The following KDM5C variants were observed in gnomAD, a reference collection of about 807,000 sequenced individuals.
KDM5C encodes the protein lysine demethylase 5C, also known as lysine-specific demethylase 5C.
In KDM5C, 16 loss-of-function variants were observed where a neutral mutation model predicts 110.6. That is an observed-to-expected ratio of 0.14 (90% CI 0.10 to 0.22). The LOEUF is 0.22. KDM5C is among the 10% of genes least tolerant of loss of function. The pLI is 1.00. For missense variants in KDM5C, 681 were observed against 1,300.9 expected, an observed-to-expected ratio of 0.52 and a Z score of 7.33; for synonymous variants, 511 against 520.4, an observed-to-expected ratio of 0.98 and a Z score of 0.24.
intron 14 of KDM5C, among the ~76,000 whole-genome samples, chrX:53,199,389 T>G (rs1602177915): frequency 9.0e-6 from 1 of 111,067 alleles, no homozygotes; most frequent in Non-Finnish European, 1.9e-5. Context: ...GATAATTTTA[T>G]AGAGGAAGAA....
Position 53,194,216 on chromosome X carries a change from G to C in KDM5C, c.3961C>G (p.Pro1321Ala), listed in dbSNP as rs781820680. The change falls in exon 23 of 26, where the codon CCT becomes GCT. Residue 1321 changes from proline to alanine, a missense_variant. Transcript: ENST00000375401. ...LRQRLQAEPR[P>A]EEPPNYPAAP... is the part of the protein sequence containing the mutation. The stretch of plus-strand genomic sequence containing the variant: ...GCAGGGTAGTTAGGAGGCTCCTCAG[G>C]TCTAGGTTCAGCCTGTAGCCGTTGG... The C allele has an allele frequency of 1.7e-6, 2 of 1,211,646 alleles. No individual in the cohort carries two copies. The highest frequency in any genetic ancestry group is 3.0e-5 in the East Asian group (1 of 33,817).
rs1602230380 is a variant in KDM5C, at chrX:53,217,874, A to G, written c.444T>C (p.Asn148=). ...AQRLNYPPGK[N]IGSLLRSHYE... is the part of the protein sequence containing the mutation. The stretch of plus-strand genomic sequence containing the variant: ...AGTGGGAGCGTAGCAAGGAGCCAAT[A>G]TTTTTGCCTGGTGGATAGTTGAGGC... The change falls in exon 4 of 26, where the codon AAT becomes AAC. Residue 148 remains asparagine, a synonymous_variant. Coordinates refer to ENST00000375401, the MANE Select transcript of KDM5C (RefSeq NM_004187.5). 8.3e-7 allele frequency: 1 copy of G among 1,211,213 alleles called. No individual in the cohort carries two copies. The highest frequency in any genetic ancestry group is 1.1e-6 in the Non-Finnish European group (1 of 895,182).
intron 8 of KDM5C, 159 bp downstream of exon 8, chrX:53,214,530 A>G: frequency 1.8e-6 from 1 of 555,192 alleles, no homozygotes; most frequent in Non-Finnish European, 2.9e-6. Context: ...CAAAGGCTGA[A>G]TCTCCTGCTC....
At chrX:53,205,873 T>C (rs937498490) in intron 12 of KDM5C, among the ~76,000 whole-genome samples, 23 of 111,773 alleles carry the variant, frequency 2.1e-4, no homozygotes, top group African/African-American at 7.5e-4. Flanking sequence ...ATTAATTAAT[T>C]AGAAGGGGTC....
chrX:53,181,771 T>A (rs1056186645), intron 25 of KDM5C, among the ~76,000 whole-genome samples: 7 of 107,187 alleles, frequency 6.5e-5, no homozygotes, highest in Middle Eastern at 4.9e-3. Context: ...GAAAAAGAAG[T>A]GTAATTTTTG....
chrX:53,222,267 G>A (rs2073918001), intron 1 of KDM5C, among the ~76,000 whole-genome samples: 1 of 108,369 alleles, frequency 9.2e-6, no homozygotes, highest in Admixed American at 9.9e-5. Flanking sequence ...AAATGGGCTA[G>A]AGGACTCATA....
chrX:53,194,108 C>A, intron 23 of KDM5C, 31 bp downstream of exon 23: 1 of 1,183,454 alleles, frequency 8.4e-7, no homozygotes, highest in Non-Finnish European at 1.1e-6. Flanking sequence ...AGACAAGAAT[C>A]TGAGGACAAG....
chrX:53,208,964 C>A lies in KDM5C; in HGVS notation c.1746+1450G>T, dbSNP rs186925479. 4.1e-3 allele frequency among the ~76,000 whole-genome samples: 440 copies of A among 107,561 alleles called. 3 individuals carry two copies. The highest frequency in any genetic ancestry group is 0.014 in the African/African-American group (412 of 29,465). 93.4% of individuals were successfully genotyped at this position (107,561 alleles called of 115,157 possible). On this transcript the variant is annotated intron_variant, in intron 12 of 25. Coordinates refer to ENST00000375401, the MANE Select transcript of KDM5C (RefSeq NM_004187.5). ...CTGAGTAGCTGGGATTACAGGCGTG[C>A]GCCACCATACCTGGCTAATTTTTGT...
intron 12 of KDM5C, 109 bp from the exon 13 acceptor site, chrX:53,202,082 G>C: frequency 1.0e-6 from 1 of 964,022 alleles, no homozygotes; most frequent in Non-Finnish European, 1.5e-6. Flanking sequence ...AGGGAACACA[G>C]TCTGACAACA....
chrX:53,189,468 G>T (rs180870928), downstream of KDM5C, among the ~76,000 whole-genome samples: 32 of 112,490 alleles, frequency 2.8e-4, no homozygotes, highest in Admixed American at 1.9e-3. Context: ...GGTTCACAAG[G>T]GGCTGTTCCC....
intron 19 of KDM5C, 108 bp from the exon 20 acceptor site, chrX:53,196,162 C>A: frequency 1.1e-6 from 1 of 923,370 alleles, no homozygotes; most frequent in South Asian, 2.1e-5. Context: ...GTCTGTTATT[C>A]CTGCTGTCAC....
rs1284574780 is a variant in KDM5C, at chrX:53,214,711, C to T, written c.1100G>A (p.Arg367Gln). 4.1e-6 allele frequency: 5 copies of T among 1,208,224 alleles called. No homozygotes were observed. The highest frequency in any genetic ancestry group is 3.0e-5 in the East Asian group (1 of 33,748). The change falls in exon 8 of 26, where the codon CGG becomes CAG. Residue 367 changes from arginine to glutamine, a missense_variant. Transcript: ENST00000375401. ...TACCGCCATGACACACTTTGGGCAC[C>T]GCCAGACACCCTTGGGGATCTCAGG... The part of the protein sequence containing the change: ...PLPEIPKGVW[R>Q]CPKCVMAECK...
chrX:53,179,744 C>G (rs1435200089), intron 25 of KDM5C, among the ~76,000 whole-genome samples: 2 of 111,935 alleles, frequency 1.8e-5, no homozygotes, highest in Non-Finnish European at 3.8e-5. Context: ...CCACCACATA[C>G]CTATTAGTAT....
At chrX:53,210,638 A>G in intron 11 of KDM5C, 38 bp downstream of exon 11, 2 of 1,209,598 alleles carry the variant, frequency 1.7e-6, no homozygotes, top group Non-Finnish European at 1.1e-6. Flanking sequence ...GGGAGCCCAC[A>G]CTGACTTGAT....
intron 14 of KDM5C, chrX:53,201,220 T>C: frequency 3.5e-6 from 1 of 282,050 alleles, no homozygotes; most frequent in Non-Finnish European, 6.4e-6. Flanking sequence ...TCTATTTTGC[T>C]AGGTCATGTA....
Position 53,214,701 on chromosome X carries a change from C to T in KDM5C, c.1110G>A (p.Lys370=). The change falls in exon 8 of 26, where the codon AAG becomes AAA. Residue 370 remains lysine, a synonymous_variant. Coordinates refer to ENST00000375401, the MANE Select transcript of KDM5C (RefSeq NM_004187.5). ...EIPKGVWRCP[K]CVMAECKRPP... is the part of the protein sequence containing the mutation. ...GGGGAGGCCTTACCGCCATGACACACTTTGGGCACCGCCAGACACCCTTGG... is the reference window on the plus strand; with the variant it reads ...GGGGAGGCCTTACCGCCATGACACATTTTGGGCACCGCCAGACACCCTTGG... 8.3e-7 allele frequency: 1 copy of T among 1,209,291 alleles called. No homozygotes were observed. The highest frequency in any genetic ancestry group is 1.1e-6 in the Non-Finnish European group (1 of 894,244).
rs67574134 is a variant in KDM5C at position 53,208,499 on chromosome X, C to CTT, written c.1746+1913_1746+1914dup. On this transcript the variant is annotated intron_variant, in intron 12 of 25. Transcript: ENST00000375401. ...AGCTACCCAAATCCTTCAGAGAATC[C>CTT]TTTTTTTTTTTTTTTTTTTTTTGAA... Among the ~76,000 whole-genome samples, 17 of 48,283 alleles carry CTT rather than the reference C, an allele frequency of 3.5e-4. 1 individual carries two copies. Among genetic ancestry groups the CTT allele is most frequent in the African/African-American group, 5.0e-4 (7 of 13,901 alleles). The allele number at this position is 48,283 out of a possible 115,157, so 41.9% of individuals were successfully genotyped here.
In KDM5C at chrX:53,216,172, T is replaced by C. The variant is rs1556851771; in HGVS notation, c.683A>G (p.Glu228Gly). The part of the protein sequence containing the change: ...PDPEPTEEDI[E>G]KNPELKKLQI... Reference sequence around the variant, plus strand: ...TAGCTTTTTCAGCTCTGGATTCTTCTCAATGTCTTCCTCTGTGGGTTCCGG... The same window carrying C: ...TAGCTTTTTCAGCTCTGGATTCTTCCCAATGTCTTCCTCTGTGGGTTCCGG... The change falls in exon 6 of 26, where the codon GAG (glutamate) becomes GGG (glycine). Residue 228 changes from glutamate to glycine, a missense_variant. Glu to Gly is a moderately conservative substitution (Grantham distance 98, BLOSUM62 -2). This residue lies in a region of KDM5C where 55 missense variants were observed against 118.0 expected (regional missense o/e 0.47). Coordinates refer to ENST00000375401, the MANE Select transcript of KDM5C (RefSeq NM_004187.5). 8.2e-7 allele frequency: 1 copy of C among 1,212,137 alleles called. No individual in the cohort carries two copies. Among genetic ancestry groups the C allele is most frequent in the African/African-American group, 1.7e-5 (1 of 57,994 alleles).
rs2073041458 is a variant in KDM5C at position 53,198,564 on chromosome X, T to C, written c.2442A>G (p.Gln814=). 1 of 1,211,394 alleles carries C rather than the reference T, an allele frequency of 8.3e-7. No homozygotes were observed. The highest frequency in any genetic ancestry group is 1.1e-6 in the Non-Finnish European group (1 of 895,059). Residue 814 remains glutamine (Q), a synonymous_variant, in exon 17 of 26, where the codon CAA becomes CAG. Coordinates refer to ENST00000375401, the MANE Select transcript of KDM5C (RefSeq NM_004187.5). ...RRFPNSELLQ[Q]LKNCLSEAEA... is the part of the protein sequence containing the mutation. The stretch of plus-strand genomic sequence containing the variant: ...CTGCCTCACTCAGGCAGTTCTTTAG[T>C]TGCTGCAGCAGCTCACTATTAGGAA...
Sources: gnomAD v4.1 joint callset for allele counts (sites outside exome capture counted in the v4.1 genomes callset) on GRCh38, gnomAD v4.1.1 for gene constraint, gnomAD v4.1.1 regional missense constraint, MANE v1.5 for transcripts, NCBI Gene and HGNC (gene_info 2026-07-23, HGNC 2026-07-21) for gene names.